Variants in MCC observed in about 807,000 individuals in gnomAD.
MCC encodes the protein colorectal mutant cancer protein.
A neutral mutation model predicts 116.2 loss-of-function variants in MCC; 90 were observed. That is an observed-to-expected ratio of 0.77 (90% CI 0.65 to 0.92). The LOEUF is 0.92. Ranked by LOEUF, MCC falls within the 40% of genes least tolerant of loss-of-function variation. The pLI is 0.00. For missense variants in MCC, 1,516 were observed against 1,312.2 expected (o/e 1.16, Z -2.40); for synonymous variants, 578 against 510.5 (o/e 1.13, Z -1.78).
At chr5:113,232,739 T>C (rs907585170) in intron 3 of MCC, among the ~76,000 whole-genome samples, 1 of 152,170 alleles carries the variant, frequency 6.6e-6, no homozygotes, top group Non-Finnish European at 1.5e-5. Flanking sequence ...AATATTTATA[T>C]GAGGCAGAAC....
intron 1 of MCC, among the ~76,000 whole-genome samples, chr5:113,463,824 A>G (rs1252959815): frequency 6.6e-6 from 1 of 152,196 alleles, no homozygotes; most frequent in Non-Finnish European, 1.5e-5. Flanking sequence ...GTAAATACCT[A>G]GAGAGAATGT....
chr5:113,451,301 G>A (rs563707127), intron 1 of MCC, among the ~76,000 whole-genome samples: 1 of 152,360 alleles, frequency 6.6e-6, no homozygotes, highest in Non-Finnish European at 1.5e-5. Flanking sequence ...AGGAAGAGAT[G>A]AAGAAAGAAT....
Position 113,064,273 on chromosome 5 carries a change from T to G in MCC, c.2030-106A>C. ...CTGTTACTTAGGGCAGAGGTGGCAC[T>G]GTGGAAGGGAATTGGCAGTGCCCAG... is the stretch of plus-strand genomic sequence containing the variant. On this transcript the variant is annotated intron_variant, in intron 13 of 18. Transcript: ENST00000408903. The G allele has an allele frequency of 4.7e-6, 5 of 1,066,608 alleles. No homozygotes were observed. In the South Asian group the frequency reaches 6.4e-5, roughly 14 times the overall value. The allele number at this position is 1,066,608 out of a possible 1,614,324, so 66.1% of individuals were successfully genotyped here.
In MCC at chr5:113,024,053, C is replaced by G. The variant is rs534980263; in HGVS notation, c.*3249G>C. On this transcript the variant is annotated 3_prime_UTR_variant, in exon 19 of 19. Transcript: ENST00000408903. ...TTCCTTAGAGTGGTAACTTTCTTTA[C>G]TACTCCTTAACAGCTTTTAAGAAAA... 1 of 152,024 alleles carries G rather than the reference C, an allele frequency of 6.6e-6. No individual in the cohort carries two copies. The highest frequency in any genetic ancestry group is 1.9e-4 in the East Asian group (1 of 5,172). 9.4% of individuals were successfully genotyped at this position (152,024 alleles called of 1,614,324 possible). A position where few individuals can be genotyped will look rare whatever the true frequency, so the allele number is the denominator to read the frequency against.
chr5:113,293,966 G>T (rs1051292727), intron 3 of MCC, among the ~76,000 whole-genome samples: 4 of 152,124 alleles, frequency 2.6e-5, no homozygotes, highest in African/African-American at 9.7e-5. Flanking sequence ...AACTCATCGG[G>T]AATGTCCGTG....
chr5:113,152,180 A>G (rs1759920642), intron 3 of MCC, among the ~76,000 whole-genome samples: 1 of 152,206 alleles, frequency 6.6e-6, no homozygotes, highest in Non-Finnish European at 1.5e-5. Context: ...ATGTTCTTCA[A>G]AAGATTAACA....
intron 1 of MCC, among the ~76,000 whole-genome samples, chr5:113,405,765 C>G (rs1263283517): frequency 6.6e-6 from 1 of 151,648 alleles, no homozygotes; most frequent in Non-Finnish European, 1.5e-5. Context: ...CATGATGGCA[C>G]CACTCCACTC....
intron 2 of MCC, among the ~76,000 whole-genome samples, chr5:113,342,535 C>A (rs1304948213): frequency 1.3e-5 from 2 of 152,064 alleles, no homozygotes; most frequent in Admixed American, 1.3e-4. Flanking sequence ...TGGGAAAGTG[C>A]AATGAAAAAG....
chr5:113,261,816 C>T (rs1165272251), intron 3 of MCC, among the ~76,000 whole-genome samples: 2 of 152,160 alleles, frequency 1.3e-5, no homozygotes, highest in East Asian at 3.8e-4. Flanking sequence ...GAGATGCTGA[C>T]AGAATGGGCT....
intron 14 of MCC, among the ~76,000 whole-genome samples, chr5:113,055,619 A>C (rs1489763783): frequency 6.6e-6 from 1 of 152,222 alleles, no homozygotes; most frequent in Non-Finnish European, 1.5e-5. Context: ...CTGTACCATC[A>C]GGACGGGTGG....
intron 3 of MCC, among the ~76,000 whole-genome samples, chr5:113,159,550 T>C (rs1244214293): frequency 1.3e-5 from 2 of 152,206 alleles, no homozygotes; most frequent in African/African-American, 4.8e-5. Context: ...TCTCTCCCAA[T>C]GGCAATCCAA....
chr5:113,388,566 C>T (rs186801351), intron 1 of MCC, among the ~76,000 whole-genome samples: 5 of 152,192 alleles, frequency 3.3e-5, no homozygotes, highest in African/African-American at 1.2e-4. Flanking sequence ...TTTAAAGAGG[C>T]CTGACACCTC....
At chr5:113,394,139 A>G (rs1769468114) in intron 1 of MCC, among the ~76,000 whole-genome samples, 2 of 151,804 alleles carry the variant, frequency 1.3e-5, no homozygotes, top group Non-Finnish European at 1.5e-5. Context: ...TTCTCCTTCA[A>G]CCTACATAAA....
chr5:113,244,261 G>C (rs974534587), intron 3 of MCC, among the ~76,000 whole-genome samples: 1 of 152,142 alleles, frequency 6.6e-6, no homozygotes, highest in African/African-American at 2.4e-5. Context: ...CACAAGGAAT[G>C]ATCATCCATA....
intron 14 of MCC, 94 bp from the exon 15 acceptor site, chr5:113,054,053 TC>T: frequency 2.4e-6 from 2 of 830,754 alleles, no homozygotes; most frequent in Non-Finnish European, 3.9e-6. Context: ...ACATTCCCTC[TC>T]CCCAGTGTTA....
intron 2 of MCC, among the ~76,000 whole-genome samples, chr5:113,383,737 C>T (rs922045487): frequency 1.3e-5 from 2 of 152,006 alleles, no homozygotes; most frequent in Non-Finnish European, 2.9e-5. Context: ...ATGTTAAGAG[C>T]ACATGCATTA....
intron 11 of MCC, among the ~76,000 whole-genome samples, chr5:113,077,210 G>C (rs534530802): frequency 3.3e-5 from 5 of 152,234 alleles, no homozygotes; most frequent in Non-Finnish European, 7.3e-5. Context: ...TAATAATGGA[G>C]ACTTTAACAC....
At chr5:113,196,363 G>C (rs1436661251) in intron 3 of MCC, among the ~76,000 whole-genome samples, 1 of 152,180 alleles carries the variant, frequency 6.6e-6, no homozygotes, top group Non-Finnish European at 1.5e-5. Context: ...AGAGGGAGCA[G>C]TAGGGCCCAT....
chr5:113,040,477 A>C (rs1751627735), intron 17 of MCC, among the ~76,000 whole-genome samples: 1 of 152,108 alleles, frequency 6.6e-6, no homozygotes. Context: ...TCCTTTTTTC[A>C]AGGGAGAAAT....
Sources: allele counts gnomAD v4.1 joint callset (sites outside exome capture counted in the v4.1 genomes callset), GRCh38; gene constraint gnomAD v4.1.1; transcripts MANE v1.5; gene names NCBI Gene and HGNC (gene_info 2026-07-23, HGNC 2026-07-21).